TNFSF4: variants seen among roughly 807,000 people sequenced by gnomAD.
The protein encoded by TNFSF4 is TNF superfamily member 4.
TNFSF4 carries 4 observed loss-of-function variants against 7.3 expected under a neutral mutation model. The ratio of observed to expected loss-of-function variants is 0.55; its 90% CI spans 0.27 to 1.25. The LOEUF (loss-of-function observed/expected upper bound fraction) is 1.25. Among genes scored for constraint, TNFSF4 ranks in the 50% most tolerant of loss-of-function variants. The pLI is 0.12. For missense variants in TNFSF4, 181 were observed against 208.8 expected, an observed-to-expected ratio of 0.87 and a Z score of 0.82; for synonymous variants, 76 against 83.7, an observed-to-expected ratio of 0.91 and a Z score of 0.50.
At chr1:173,299,869 G>A in the TNFSF4 span, among the ~76,000 whole-genome samples, 163 of 151,920 alleles carry the variant, frequency 1.1e-3, no homozygotes, top group African/African-American at 3.5e-3. Context: ...TTAACTATAA[G>A]CAGTTTTCTT....
the TNFSF4 span, among the ~76,000 whole-genome samples, chr1:173,443,978 C>T: frequency 6.6e-6 from 1 of 152,118 alleles, no homozygotes; most frequent in Non-Finnish European, 1.5e-5. Context: ...TTTGTTGCCA[C>T]AGAGGCCTAA....
the TNFSF4 span, among the ~76,000 whole-genome samples, chr1:173,320,319 G>A: frequency 1.3e-5 from 2 of 152,158 alleles, no homozygotes; most frequent in Non-Finnish European, 2.9e-5. Context: ...ACTAGGTATT[G>A]ATGAAACATA....
the TNFSF4 span, among the ~76,000 whole-genome samples, chr1:173,265,491 T>C: frequency 6.6e-6 from 1 of 152,178 alleles, no homozygotes; most frequent in Non-Finnish European, 1.5e-5. Context: ...TATTTTATGA[T>C]CATATATAAA....
chr1:173,310,671 CTT>C, the TNFSF4 span, among the ~76,000 whole-genome samples: 1 of 144,632 alleles, frequency 6.9e-6, no homozygotes, highest in Admixed American at 6.9e-5. Flanking sequence ...TGTACTTTTT[CTT>C]TTTTTTTTTC....
At chr1:173,415,813 G>A in the TNFSF4 span, among the ~76,000 whole-genome samples, 1 of 152,196 alleles carries the variant, frequency 6.6e-6, no homozygotes, top group Non-Finnish European at 1.5e-5. Flanking sequence ...TTTCTAACTG[G>A]TATTCAGGAG....
the TNFSF4 span, among the ~76,000 whole-genome samples, chr1:173,291,793 C>T: frequency 6.6e-6 from 1 of 151,862 alleles, no homozygotes; most frequent in Non-Finnish European, 1.5e-5. Context: ...CCTATAAACA[C>T]AAATATAAAT....
the TNFSF4 span, among the ~76,000 whole-genome samples, chr1:173,267,891 C>CAGAAG: frequency 6.7e-6 from 1 of 150,364 alleles, no homozygotes; most frequent in Non-Finnish European, 1.5e-5. Flanking sequence ...GAGAGGAGAG[C>CAGAAG]AGAGGAGAGG....
the TNFSF4 span, among the ~76,000 whole-genome samples, chr1:173,255,205 G>A: frequency 6.6e-6 from 1 of 152,218 alleles, no homozygotes; most frequent in Admixed American, 6.5e-5. Flanking sequence ...ATTACAGCAT[G>A]TGTCTTTGTG....
the TNFSF4 span, among the ~76,000 whole-genome samples, chr1:173,399,826 T>G: frequency 2.0e-5 from 3 of 152,132 alleles, no homozygotes; most frequent in East Asian, 5.8e-4. Context: ...CTCAGCAACA[T>G]AGACTTCCAT....
chr1:173,369,223 A>C, the TNFSF4 span, among the ~76,000 whole-genome samples: 8 of 152,134 alleles, frequency 5.3e-5, no homozygotes, highest in Non-Finnish European at 1.2e-4. Flanking sequence ...ATGGCCCTCC[A>C]CTCCATTTTG....
chr1:173,317,285 G>A, the TNFSF4 span, among the ~76,000 whole-genome samples: 1 of 152,204 alleles, frequency 6.6e-6, no homozygotes, highest in East Asian at 1.9e-4. Flanking sequence ...AATATGCTCT[G>A]TAAGTATACA....
chr1:173,339,373 C>A, the TNFSF4 span, among the ~76,000 whole-genome samples: 5 of 151,870 alleles, frequency 3.3e-5, no homozygotes, highest in South Asian at 6.2e-4. Context: ...CAGAAGGAGA[C>A]CCTGTCTCAA....
chr1:173,178,885 G>T (rs1025832475), downstream of TNFSF4, among the ~76,000 whole-genome samples: 3 of 152,150 alleles, frequency 2.0e-5, no homozygotes, highest in South Asian at 4.1e-4. Flanking sequence ...ATAAGAGAGA[G>T]ACAGTGGCAG....
chr1:173,323,702 C>T, the TNFSF4 span, among the ~76,000 whole-genome samples: 2 of 152,066 alleles, frequency 1.3e-5, no homozygotes, highest in African/African-American at 4.8e-5. Context: ...GGCACGAGAA[C>T]TACATGATGA....
At chr1:173,228,232 T>C in the TNFSF4 span, among the ~76,000 whole-genome samples, 1 of 152,140 alleles carries the variant, frequency 6.6e-6, no homozygotes, top group Non-Finnish European at 1.5e-5. Flanking sequence ...AGACAAAGCT[T>C]CCAGAGGAAT....
intron 1 of TNFSF4, among the ~76,000 whole-genome samples, chr1:173,192,167 C>T (rs941316876): frequency 3.3e-5 from 5 of 152,220 alleles, no homozygotes; most frequent in African/African-American, 1.2e-4. Context: ...CCATCTGTCT[C>T]TGCCCATTAA....
the TNFSF4 span, among the ~76,000 whole-genome samples, chr1:173,368,746 G>A: frequency 6.6e-6 from 1 of 152,112 alleles, no homozygotes; most frequent in African/African-American, 2.4e-5. Context: ...AACTCTCAAA[G>A]TTACATCACC....
At chr1:173,434,495 T>C in the TNFSF4 span, among the ~76,000 whole-genome samples, 2 of 152,240 alleles carry the variant, frequency 1.3e-5, no homozygotes, top group Admixed American at 6.5e-5. Context: ...AAGATGCCAG[T>C]GAGGCATAGC....
chr1:173,248,491 G>GAAA, the TNFSF4 span, among the ~76,000 whole-genome samples: 1 of 136,104 alleles, frequency 7.3e-6, no homozygotes, highest in Non-Finnish European at 1.6e-5. Context: ...AAGGAAGGAA[G>GAAA]GAAAGAAAGA....
Sources: allele counts gnomAD v4.1 joint callset (sites outside exome capture counted in the v4.1 genomes callset), GRCh38; gene constraint gnomAD v4.1.1; transcripts MANE v1.5; gene names NCBI Gene and HGNC (gene_info 2026-07-23, HGNC 2026-07-21).